The following MLLT1 variants were observed in gnomAD, a reference collection of about 807,000 sequenced individuals.
MLLT1 encodes protein ENL.
Under a neutral mutation model 55.1 loss-of-function variants are expected in MLLT1, and 11 were observed. The ratio of observed to expected loss-of-function variants is 0.20; its 90% confidence interval spans 0.13 to 0.33. MLLT1 has a LOEUF of 0.33. Among genes scored for constraint, MLLT1 ranks in the 10% least tolerant of loss-of-function variants. The pLI is 1.00. For synonymous variants in MLLT1, 323 were observed against 320.1 expected (o/e 1.01, Z -0.10); for missense variants, 536 against 760.6 (o/e 0.70, Z 3.47).
chr19:6,217,623 C>T (rs1010164575), intron 7 of MLLT1, among the ~76,000 whole-genome samples: 7 of 152,140 alleles, frequency 4.6e-5, no homozygotes, highest in Non-Finnish European at 5.9e-5. Context: ...GAGGAGGTGA[C>T]GCCGTCCGTC....
chr19:6,255,366 G>A (rs1051642335), intron 3 of MLLT1, among the ~76,000 whole-genome samples: 9 of 152,114 alleles, frequency 5.9e-5, no homozygotes, highest in Non-Finnish European at 2.9e-5. Flanking sequence ...GGTGGCACAC[G>A]TCCGTAATTC....
chr19:6,219,018 G>A lies in MLLT1; in HGVS notation c.1111-977C>T, dbSNP rs563097942. Among the ~76,000 whole-genome samples the A allele has an allele frequency of 3.3e-5, 5 of 152,222 alleles. No individual in the cohort carries two copies. The highest frequency in any genetic ancestry group is 1.9e-4 in the East Asian group (1 of 5,158). On this transcript the variant is annotated intron_variant, in intron 6 of 11. Coordinates refer to ENST00000252674, the MANE Select transcript of MLLT1 (RefSeq NM_005934.4). This position sits in a 1 kb window ranked among gnomAD's most constrained non-coding sequence, Gnocchi z 4.5. ...GATTCTGGCAGGGGCCGCTGCAGCC[G>A]CCAGCCATGCAAGGGAAGCCGTGAA...
At chr19:6,242,275 C>T (rs182970761) in intron 3 of MLLT1, among the ~76,000 whole-genome samples, 6 of 152,302 alleles carry the variant, frequency 3.9e-5, no homozygotes, top group Admixed American at 2.6e-4. Flanking sequence ...GTCCTTGGAA[C>T]CTCCCCTGTC....
At position 6,230,205 on chromosome 19, in the gene MLLT1, G is replaced by A. The variant is rs564581019; in HGVS notation, c.420+365C>T. Among the ~76,000 whole-genome samples, 380 of 152,316 alleles carry A rather than the reference G, an allele frequency of 2.5e-3. 1 individual carries two copies. Among genetic ancestry groups the A allele is most frequent in the Non-Finnish European group, 3.4e-3 (234 of 68,018 alleles). ...GCCTCCCGAAGTCAGAGGTGATGGC[G>A]ATGCGCACGGCAGGGGCCCTGTGCG... On this transcript the variant is annotated intron_variant, in intron 4 of 11. Coordinates refer to ENST00000252674, the MANE Select transcript of MLLT1 (RefSeq NM_005934.4). This position sits in a 1 kb window ranked among gnomAD's most constrained non-coding sequence, Gnocchi z 9.0.
intron 3 of MLLT1, among the ~76,000 whole-genome samples, chr19:6,249,107 G>A (rs1568289275): frequency 6.6e-6 from 1 of 152,026 alleles, no homozygotes; most frequent in Non-Finnish European, 1.5e-5. Context: ...AAATTGAGAC[G>A]TGCAGCAAGT....
intron 10 of MLLT1, 65 bp from the exon 11 acceptor site, chr19:6,213,473 A>C: frequency 1.5e-6 from 2 of 1,351,178 alleles, no homozygotes; most frequent in Non-Finnish European, 2.1e-6. Flanking sequence ...TCCCATGCCC[A>C]GCCCCACCCA....
Position 6,262,695 on chromosome 19 carries a change from G to C in MLLT1, c.194-385C>G, listed in dbSNP as rs747603822. On this transcript the variant is annotated intron_variant, in intron 2 of 11. Transcript: ENST00000252674. This position sits in a 1 kb window ranked among gnomAD's most constrained non-coding sequence, Gnocchi z 4.4. The stretch of plus-strand genomic sequence containing the variant: ...TGACCTGGGTGAGGTGTGAAACCCA[G>C]CAGGGAGGGCCACACACTCTACTGT... Among the ~76,000 whole-genome samples the C allele has an allele frequency of 6.6e-6, 1 of 152,092 alleles. No individual in the cohort carries two copies. Among genetic ancestry groups the C allele is most frequent in the Non-Finnish European group, 1.5e-5 (1 of 68,010 alleles).
At chr19:6,272,118 G>C (rs1432443320) in intron 1 of MLLT1, among the ~76,000 whole-genome samples, 1 of 141,414 alleles carries the variant, frequency 7.1e-6, no homozygotes, top group African/African-American at 2.7e-5. Flanking sequence ...TCCACGGCTT[G>C]TCACTCCCTC....
rs1423747244 is a variant in MLLT1, at chr19:6,240,071, G to A, written c.277-9358C>T. Among the ~76,000 whole-genome samples, 1 of 152,106 alleles carries A rather than the reference G, an allele frequency of 6.6e-6. No homozygotes were observed. Among genetic ancestry groups the A allele is most frequent in the African/African-American group, 2.4e-5 (1 of 41,414 alleles). ...CCTGGACGGGCTGCTGCACCTCTCT[G>A]AGCCTCAGAGAGAGGCAGGAATCAA... On this transcript the variant is annotated intron_variant, in intron 3 of 11. Transcript: ENST00000252674. This position sits in a 1 kb window ranked among gnomAD's most constrained non-coding sequence, Gnocchi z 4.7.
intron 2 of MLLT1, among the ~76,000 whole-genome samples, chr19:6,264,405 C>G (rs2091329939): frequency 6.6e-6 from 1 of 152,012 alleles, no homozygotes; most frequent in African/African-American, 2.4e-5. Flanking sequence ...GCCCGTGAGC[C>G]TTCAGGCCTG....
intron 2 of MLLT1, among the ~76,000 whole-genome samples, chr19:6,265,057 C>CAAAAAAAAAAAA (rs1206210263): frequency 6.1e-5 from 2 of 32,596 alleles, no homozygotes; most frequent in Non-Finnish European, 1.4e-4. Flanking sequence ...AACAAAAAAA[C>CAAAAAAAAAAAA]AAAAAAACAA....
At chr19:6,274,648 G>A in intron 1 of MLLT1, among the ~76,000 whole-genome samples, 1 of 152,014 alleles carries the variant, frequency 6.6e-6, no homozygotes, top group Non-Finnish European at 1.5e-5. Context: ...TGAGCCGGGG[G>A]GCTGTGGTCT....
At chr19:6,241,301 G>C (rs1482612814) in intron 3 of MLLT1, among the ~76,000 whole-genome samples, 2 of 152,258 alleles carry the variant, frequency 1.3e-5, no homozygotes, top group East Asian at 3.8e-4. Flanking sequence ...TCCAGCTGGA[G>C]GCAGGGTCCA....
intron 1 of MLLT1, among the ~76,000 whole-genome samples, chr19:6,278,176 C>A (rs1255761245): frequency 2.0e-5 from 3 of 152,202 alleles, no homozygotes; most frequent in Admixed American, 2.0e-4. Flanking sequence ...ATTTTGGCTG[C>A]CACCCCCACA....
intron 3 of MLLT1, among the ~76,000 whole-genome samples, chr19:6,261,336 C>T (rs190490373): frequency 1.4e-3 from 208 of 152,360 alleles, no homozygotes; most frequent in South Asian, 2.7e-3. Context: ...CTAGGACGGC[C>T]GCACGCCAAA....
At chr19:6,272,252 G>A (rs1031515579) in intron 1 of MLLT1, among the ~76,000 whole-genome samples, 1 of 152,120 alleles carries the variant, frequency 6.6e-6, no homozygotes, top group African/African-American at 2.4e-5. Context: ...AGGCGCACAC[G>A]TGCACACACA....
At chr19:6,216,234 C>G (rs935000269) in intron 8 of MLLT1, among the ~76,000 whole-genome samples, 171 bp downstream of exon 8, 2 of 152,184 alleles carry the variant, frequency 1.3e-5, no homozygotes, top group African/African-American at 4.8e-5. Context: ...AGCCCCAGGC[C>G]CACCCCAAGG....
intron 3 of MLLT1, among the ~76,000 whole-genome samples, chr19:6,252,022 G>A (rs919615356): frequency 2.6e-5 from 4 of 152,218 alleles, no homozygotes; most frequent in South Asian, 4.1e-4. Flanking sequence ...CTATGAGGGT[G>A]TTTCCAGAGG....
chr19:6,232,828 A>G (rs2091024615), intron 3 of MLLT1, among the ~76,000 whole-genome samples: 1 of 152,220 alleles, frequency 6.6e-6, no homozygotes, highest in African/African-American at 2.4e-5. Context: ...ACATCTGTAC[A>G]CTTTAAAAGG....
Sources: allele counts gnomAD v4.1 joint callset (sites outside exome capture counted in the v4.1 genomes callset), GRCh38; gene constraint gnomAD v4.1.1; non-coding constraint Gnocchi (gnomAD v3.1); transcripts MANE v1.5; gene names NCBI Gene and HGNC (gene_info 2026-07-23, HGNC 2026-07-21).